Variants in SLC8A1 observed in about 807,000 individuals in gnomAD.
SLC8A1 encodes the protein solute carrier family 8 member A1.
Under a neutral mutation model 68.3 loss-of-function variants are expected in SLC8A1, and 18 were observed. That is an observed-to-expected ratio of 0.26 (90% CI 0.18 to 0.39). The LOEUF is 0.39. Among genes scored for constraint, SLC8A1 ranks in the 10% least tolerant of loss-of-function variants. The probability of loss-of-function intolerance (pLI) is 1.00; values close to 1 mark genes in which losing one functional copy is unlikely to be tolerated. For synonymous variants in SLC8A1, 475 were observed against 415.5 expected (o/e 1.14, Z -1.74); for missense variants, 985 against 1,156.7 (o/e 0.85, Z 2.15).
At chr2:40,278,978 T>A (rs914003348) in intron 2 of SLC8A1, among the ~76,000 whole-genome samples, 5 of 152,200 alleles carry the variant, frequency 3.3e-5, no homozygotes, top group African/African-American at 1.2e-4. Context: ...TCCAGAGCCA[T>A]GGAATTTTAA....
chr2:40,148,121 T>C (rs2148351895), intron 6 of SLC8A1, among the ~76,000 whole-genome samples: 1 of 152,332 alleles, frequency 6.6e-6, no homozygotes, highest in East Asian at 1.9e-4. Flanking sequence ...AAAAGTGTAA[T>C]TGGGAAATGT....
chr2:40,391,142 A>AAT (rs56902340), intron 2 of SLC8A1, among the ~76,000 whole-genome samples: 7,917 of 148,830 alleles, frequency 0.053, 279 homozygotes, highest in African/African-American at 0.095. Flanking sequence ...TTCTCCTTAA[A>AAT]ATATATATAT....
intron 7 of SLC8A1, among the ~76,000 whole-genome samples, chr2:40,130,156 A>G (rs1295460092): frequency 1.3e-5 from 2 of 152,264 alleles, no homozygotes; most frequent in East Asian, 1.9e-4. Context: ...GAGAAAGAAT[A>G]AAAGATGCAA....
At chr2:40,479,959 G>C (rs978449608) in intron 1 of SLC8A1, among the ~76,000 whole-genome samples, 3 of 152,100 alleles carry the variant, frequency 2.0e-5, no homozygotes, top group African/African-American at 7.2e-5. Context: ...TGTTGATATA[G>C]TTATGAAAAC....
intron 2 of SLC8A1, among the ~76,000 whole-genome samples, chr2:40,353,495 C>T (rs965989212): frequency 1.3e-5 from 2 of 152,078 alleles, no homozygotes; most frequent in African/African-American, 2.4e-5. Flanking sequence ...AACCTCCCTC[C>T]TCTCATGCCT....
At chr2:40,210,007 T>A (rs1254550092) in intron 2 of SLC8A1, 1 of 152,246 alleles carries the variant, frequency 6.6e-6, no homozygotes, top group Non-Finnish European at 1.5e-5. Context: ...TGATCTGAGT[T>A]GGCAGATGAG....
At chr2:40,165,948 C>T (rs1218308564) in intron 4 of SLC8A1, among the ~76,000 whole-genome samples, 1 of 152,172 alleles carries the variant, frequency 6.6e-6, no homozygotes, top group African/African-American at 2.4e-5. Flanking sequence ...GCTACTTCTT[C>T]TCAGATTTAA....
At chr2:40,368,291 C>T (rs190256580) in intron 2 of SLC8A1, among the ~76,000 whole-genome samples, 257 of 152,074 alleles carry the variant, frequency 1.7e-3, no homozygotes, top group African/African-American at 5.8e-3. Context: ...ACAATAATAT[C>T]ATAAAAGATT....
chr2:40,354,344 G>A (rs892131078), intron 2 of SLC8A1, among the ~76,000 whole-genome samples: 4 of 151,142 alleles, frequency 2.6e-5, no homozygotes, highest in Non-Finnish European at 4.4e-5. Context: ...GCATTTGGCA[G>A]AAGGCATTTT....
intron 2 of SLC8A1, among the ~76,000 whole-genome samples, chr2:40,190,974 C>T (rs2051706017): frequency 1.3e-5 from 2 of 149,010 alleles, no homozygotes; most frequent in African/African-American, 5.0e-5. Context: ...AATCTATTTG[C>T]ACTTTTAAAG....
At chr2:40,211,847 A>G (rs891425980) in intron 2 of SLC8A1, among the ~76,000 whole-genome samples, 2 of 152,184 alleles carry the variant, frequency 1.3e-5, no homozygotes, top group Non-Finnish European at 2.9e-5. Flanking sequence ...ATAAAGCAAA[A>G]TAATTTTTCT....
intron 2 of SLC8A1, among the ~76,000 whole-genome samples, chr2:40,326,520 G>A (rs1200285416): frequency 6.6e-6 from 1 of 151,362 alleles, no homozygotes; most frequent in African/African-American, 2.4e-5. Context: ...TCTCTGCCTT[G>A]GTCTTTTCTT....
chr2:40,240,438 C>G (rs952721179), intron 2 of SLC8A1, among the ~76,000 whole-genome samples: 3 of 152,142 alleles, frequency 2.0e-5, no homozygotes, highest in African/African-American at 7.2e-5. Context: ...AACACCACAG[C>G]TGGGAAATGA....
intron 2 of SLC8A1, among the ~76,000 whole-genome samples, chr2:40,425,790 G>A (rs1696700478): frequency 6.6e-6 from 1 of 151,672 alleles, no homozygotes. Flanking sequence ...AACTGCCAAA[G>A]GAAAAATAAT....
rs145532101 is a variant in SLC8A1, at chr2:40,318,218, G to C, written c.1808+110255C>G. Among the ~76,000 whole-genome samples the C allele has an allele frequency of 3.5e-3, 528 of 152,110 alleles. 3 individuals carry two copies. The highest frequency in any genetic ancestry group is 0.012 in the African/African-American group (492 of 41,518). ...CCAGTGATTTTTAAAATTCTGGTGTGCGTCAGAATTTCCTAGAGGAATGGT... is the reference window on the plus strand; with the variant it reads ...CCAGTGATTTTTAAAATTCTGGTGTCCGTCAGAATTTCCTAGAGGAATGGT... On this transcript the variant is annotated intron_variant, in intron 2 of 7. Transcript: ENST00000406785.
chr2:40,327,809 T>C (rs1371961293), intron 2 of SLC8A1, among the ~76,000 whole-genome samples: 1 of 152,182 alleles, frequency 6.6e-6, no homozygotes, highest in African/African-American at 2.4e-5. Context: ...CTATGGTCCC[T>C]ACCTGGGTGA....
At chr2:40,110,865 A>G (rs889727606) in exon 8 of SLC8A1, 1 of 152,166 alleles carries the variant, frequency 6.6e-6, no homozygotes, top group African/African-American at 2.4e-5. Context: ...GGAGGGCATC[A>G]TCATCTACCA....
chr2:40,330,389 T>A (rs1312893494), intron 2 of SLC8A1, among the ~76,000 whole-genome samples: 1 of 152,030 alleles, frequency 6.6e-6, no homozygotes, highest in African/African-American at 2.4e-5. Flanking sequence ...ACTATGTGTG[T>A]TGTTGGACTA....
chr2:40,267,076 T>G (rs1326629613), intron 2 of SLC8A1, among the ~76,000 whole-genome samples: 1 of 152,072 alleles, frequency 6.6e-6, no homozygotes, highest in African/African-American at 2.4e-5. Flanking sequence ...GGCAAAAGAG[T>G]AGGCAAAGCT....
Sources: allele counts gnomAD v4.1 joint callset (sites outside exome capture counted in the v4.1 genomes callset), GRCh38; gene constraint gnomAD v4.1.1; transcripts MANE v1.5; gene names NCBI Gene and HGNC (gene_info 2026-07-23, HGNC 2026-07-21).